CTNNA2: variants seen among roughly 807,000 people sequenced by gnomAD.
The protein encoded by CTNNA2 is catenin alpha 2.
Under a neutral mutation model 101.0 loss-of-function variants are expected in CTNNA2, and 42 were observed. The ratio of observed to expected loss-of-function variants is 0.42; its 90% CI spans 0.32 to 0.54. The LOEUF (loss-of-function observed/expected upper bound fraction) is 0.54. Among genes scored for constraint, CTNNA2 ranks in the 20% least tolerant of loss-of-function variants. The pLI is 0.14. For synonymous variants in CTNNA2, 450 were observed against 456.4 expected, an observed-to-expected ratio of 0.99 and a Z score of 0.18; for missense variants, 871 against 1,223.1, an observed-to-expected ratio of 0.71 and a Z score of 4.29.
chr2:80,550,047 T>C (rs979998410), intron 11 of CTNNA2, among the ~76,000 whole-genome samples: 1 of 152,166 alleles, frequency 6.6e-6, no homozygotes, highest in African/African-American at 2.4e-5. Flanking sequence ...TAAACAGGTA[T>C]GGCTTTTTTC....
chr2:80,536,113 G>A (rs1690991146), intron 9 of CTNNA2, among the ~76,000 whole-genome samples: 1 of 152,176 alleles, frequency 6.6e-6, no homozygotes, highest in African/African-American at 2.4e-5. Context: ...TATTATAGGA[G>A]TCATGTTCTG....
At chr2:80,146,917 T>C (rs1334135512) in intron 7 of CTNNA2, among the ~76,000 whole-genome samples, 5 of 147,700 alleles carry the variant, frequency 3.4e-5, no homozygotes, top group African/African-American at 1.2e-4. Flanking sequence ...CACGCCCTGC[T>C]AATTTTTGTA....
rs1475669768 is a variant in CTNNA2 at position 79,465,788 on chromosome 2, G to C, written c.-134-39266G>C. On this transcript the variant is annotated intron_variant, in intron 4 of 21. Transcript: ENST00000466387. ...TCATGATTTGGCTCTCTGTTTGTTTGTTATTTGGTATAAGAATGCTTGTGA... is the reference window on the plus strand; with the variant it reads ...TCATGATTTGGCTCTCTGTTTGTTTCTTATTTGGTATAAGAATGCTTGTGA... Among the ~76,000 whole-genome samples, 3 of 73,774 alleles carry C rather than the reference G, an allele frequency of 4.1e-5. No individual in the cohort carries two copies. The East Asian group carries it at 1.3e-3, about 31-fold the overall frequency. 48.4% of individuals were successfully genotyped at this position (73,774 alleles called of 152,430 possible).
At chr2:79,270,451 C>G (rs1405727371) in intron 2 of CTNNA2, among the ~76,000 whole-genome samples, 4 of 152,098 alleles carry the variant, frequency 2.6e-5, no homozygotes, top group African/African-American at 9.7e-5. Flanking sequence ...CTAACAACCC[C>G]CTGCTTTGCT....
chr2:80,521,927 G>C (rs544355788), intron 9 of CTNNA2, among the ~76,000 whole-genome samples: 2 of 152,162 alleles, frequency 1.3e-5, no homozygotes, highest in Non-Finnish European at 2.9e-5. Context: ...CATAGGTAGA[G>C]AAAGAATTAG....
At chr2:79,656,435 A>G (rs761517890) in intron 2 of CTNNA2, among the ~76,000 whole-genome samples, 1 of 151,996 alleles carries the variant, frequency 6.6e-6, no homozygotes, top group Non-Finnish European at 1.5e-5. Flanking sequence ...TAGCTATCCC[A>G]CAGTTTCTAA....
intron 7 of CTNNA2, among the ~76,000 whole-genome samples, chr2:80,037,380 A>T (rs1386211915): frequency 1.3e-5 from 2 of 152,204 alleles, no homozygotes; most frequent in African/African-American, 4.8e-5. Flanking sequence ...CTACTGCAAA[A>T]AAAATGATCC....
chr2:80,201,609 T>G (rs368505199), intron 7 of CTNNA2, among the ~76,000 whole-genome samples: 1 of 151,978 alleles, frequency 6.6e-6, no homozygotes, highest in Non-Finnish European at 1.5e-5. Flanking sequence ...TCTCCTGACC[T>G]CGTAATCCGC....
intron 7 of CTNNA2, among the ~76,000 whole-genome samples, chr2:79,999,147 G>C (rs548828058): frequency 3.2e-4 from 48 of 151,814 alleles, no homozygotes; most frequent in African/African-American, 1.2e-3. Context: ...TTGAGATCTG[G>C]TGGTAGAGGC....
intron 3 of CTNNA2, among the ~76,000 whole-genome samples, chr2:79,324,855 G>T (rs1676710232): frequency 6.6e-6 from 1 of 152,148 alleles, no homozygotes; most frequent in African/African-American, 2.4e-5. Context: ...GCAGGAGGCA[G>T]CATGAAGCAA....
intron 7 of CTNNA2, among the ~76,000 whole-genome samples, chr2:80,021,194 A>G (rs1367817257): frequency 6.6e-6 from 1 of 151,074 alleles, no homozygotes; most frequent in African/African-American, 2.4e-5. Flanking sequence ...TAATTTTTGT[A>G]TTTTTTGTAG....
chr2:80,203,129 A>G (rs1373374554), intron 7 of CTNNA2, among the ~76,000 whole-genome samples: 2 of 152,182 alleles, frequency 1.3e-5, no homozygotes, highest in Non-Finnish European at 2.9e-5. Context: ...CTCCCATAAC[A>G]CATGGGAATT....
At chr2:80,247,528 C>T (rs1306363353) in intron 7 of CTNNA2, among the ~76,000 whole-genome samples, 1 of 152,158 alleles carries the variant, frequency 6.6e-6, no homozygotes, top group African/African-American at 2.4e-5. Flanking sequence ...TGAGCCAGAC[C>T]GGTAGCTTAT....
Position 79,978,240 on chromosome 2 carries a change from G to A in CTNNA2, c.1056+68443G>A, listed in dbSNP as rs1470405122. The stretch of plus-strand genomic sequence containing the variant: ...TTTTGACCGTATATTTGTCTTGCAC[G>A]GATTACTTGGGTCAAAGTTAGGGAG... On this transcript the variant is annotated intron_variant, in intron 7 of 18. Transcript: ENST00000402739. 3.9e-5 allele frequency among the ~76,000 whole-genome samples: 6 copies of A among 152,074 alleles called. No individual in the cohort carries two copies. In the East Asian group the frequency reaches 9.7e-4, roughly 24 times the overall value.
At chr2:80,408,676 C>A (rs997640277) in intron 8 of CTNNA2, among the ~76,000 whole-genome samples, 1 of 152,176 alleles carries the variant, frequency 6.6e-6, no homozygotes, top group Non-Finnish European at 1.5e-5. Context: ...TTAGATCTCC[C>A]TTTGGAGCAA....
chr2:79,566,656 AAAATAC>A (rs2104174249), intron 1 of CTNNA2, among the ~76,000 whole-genome samples: 1 of 152,306 alleles, frequency 6.6e-6, no homozygotes, highest in African/African-American at 2.4e-5. Flanking sequence ...TGAGTGAAAG[AAAATAC>A]AATACTTTTT....
chr2:79,306,568 A>G, intron 2 of CTNNA2, among the ~76,000 whole-genome samples: 1 of 152,376 alleles, frequency 6.6e-6, no homozygotes, highest in African/African-American at 2.4e-5. Flanking sequence ...CTTTTGGTGG[A>G]CACAGGCTGT....
chr2:79,494,533 T>C (rs1056166293), intron 4 of CTNNA2, among the ~76,000 whole-genome samples: 37 of 152,276 alleles, frequency 2.4e-4, no homozygotes, highest in African/African-American at 7.9e-4. Flanking sequence ...TGATTTTCCA[T>C]GAAAGTGTCG....
At chr2:80,425,530 G>A (rs1170087418) in intron 9 of CTNNA2, among the ~76,000 whole-genome samples, 1 of 151,982 alleles carries the variant, frequency 6.6e-6, no homozygotes, top group Non-Finnish European at 1.5e-5. Context: ...CCTTCCCAGG[G>A]CGCCTTTGAT....
Sources: allele counts gnomAD v4.1 joint callset (sites outside exome capture counted in the v4.1 genomes callset), GRCh38; gene constraint gnomAD v4.1.1; transcripts MANE v1.5; gene names NCBI Gene and HGNC (gene_info 2026-07-23, HGNC 2026-07-21).